The following DNHD1 variants were observed in gnomAD, a reference collection of about 807,000 sequenced individuals.
DNHD1 encodes the protein dynein heavy chain domain-containing protein 1.
A neutral mutation model predicts 458.1 loss-of-function variants in DNHD1; 383 were observed. The ratio of observed to expected loss-of-function variants is 0.84; its 90% CI spans 0.77 to 0.91. DNHD1 has a LOEUF of 0.91. DNHD1 is among the 40% of genes least tolerant of loss of function. The pLI is 0.00. For synonymous variants in DNHD1, 2,203 were observed against 2,376.9 expected, an observed-to-expected ratio of 0.93 and a Z score of 2.13; for missense variants, 5,336 against 5,866.1, an observed-to-expected ratio of 0.91 and a Z score of 2.95.
chr11:6,571,899 C>G lies in DNHD1; in HGVS notation c.14175C>G (p.Ile4725Met). ...LGTAKLQSRNIVMHLPLPTKL... is the reference protein window; with the variant it reads ...LGTAKLQSRNMVMHLPLPTKL... ...CCGCTAAGCTGCAGAGCAGGAACAT[C>G]GTGATGCATCTGCCTTTACCCACCA... Residue 4725 changes from isoleucine to methionine, a missense_variant, in exon 43 of 43, where the codon ATC becomes ATG. This residue lies in a region of DNHD1 where 698 missense variants were observed against 664.9 expected (regional missense o/e 1.05). Transcript: ENST00000254579. This position sits in a 1 kb window ranked among gnomAD's most constrained non-coding sequence, Gnocchi z 5.0. 1.2e-6 allele frequency: 2 copies of G among 1,614,062 alleles called. No individual in the cohort carries two copies. Among genetic ancestry groups the G allele is most frequent in the Non-Finnish European group, 1.7e-6 (2 of 1,179,910 alleles).
In DNHD1 at chr11:6,539,300, A is replaced by G. The variant is rs1853038414; in HGVS notation, c.3407A>G (p.Asp1136Gly). The part of the protein sequence containing the change: ...LLTYPLLEFA[D>G]RINQVWQNEN... ...ACTTATCCACTGCTGGAGTTTGCAGATCGAATCAACCAGGTGGGGCCCTCA... is the reference window on the plus strand; with the variant it reads ...ACTTATCCACTGCTGGAGTTTGCAGGTCGAATCAACCAGGTGGGGCCCTCA... The change falls in exon 17 of 43, where the codon GAT becomes GGT. Residue 1136 changes from aspartate to glycine, a missense_variant. Physicochemically the swap from Asp to Gly is moderately conservative, Grantham distance 94. This residue lies in a region of DNHD1 where 3,932 missense variants were observed against 4,365.6 expected (regional missense o/e 0.90). Coordinates refer to ENST00000254579, the MANE Select transcript of DNHD1 (RefSeq NM_144666.3). 2 of 1,551,534 alleles carry G rather than the reference A, an allele frequency of 1.3e-6. No homozygotes were observed. Among genetic ancestry groups the G allele is most frequent in the African/African-American group, 1.4e-5 (1 of 73,170 alleles).
rs267603117 is a variant in DNHD1, at chr11:6,545,074, G to A, written c.4135G>A (p.Glu1379Lys). The A allele has an allele frequency of 2.1e-5, 32 of 1,551,832 alleles. No homozygotes were observed. Among genetic ancestry groups the A allele is most frequent in the African/African-American group, 9.6e-5 (7 of 73,052 alleles). ...ALLAARLESC[E>K]AQLWVRRCFP... ...GCTGGCTGCTCGACTGGAATCATGC[G>A]AAGCCCAGCTATGGGTACGACGCTG... The change falls in exon 21 of 43, where the codon GAA becomes AAA. Residue 1379 changes from glutamate to lysine, a missense_variant. Physicochemically the swap from Glu to Lys is moderately conservative, Grantham distance 56 (BLOSUM62 1). Transcript: ENST00000254579. This position sits in a 1 kb window ranked among gnomAD's most constrained non-coding sequence, Gnocchi z 4.9.
At chr11:6,527,552 T>C (rs540196266) in intron 10 of DNHD1, among the ~76,000 whole-genome samples, 1 of 152,308 alleles carries the variant, frequency 6.6e-6, no homozygotes, top group East Asian at 1.9e-4. Context: ...TTTGGCTCTG[T>C]TAAATTTGAG....
Position 6,563,454 on chromosome 11 carries a change from GCA to G in DNHD1, c.9744_9745del (p.Pro3249ThrfsTer9). On this transcript the variant is annotated frameshift_variant, in exon 30 of 43. Coordinates refer to ENST00000254579, the MANE Select transcript of DNHD1 (RefSeq NM_144666.3). LOFTEE classifies it high-confidence loss of function. ...ADFEEIRSYR[A>X]PPESVVRVTD... ...CTTTGAGGAGATACGGAGCTATCGA[GCA>G]CCACCAGAATCTGTGGTCCGGGTAA... is the stretch of plus-strand genomic sequence containing the variant. 1 of 1,551,718 alleles carries G rather than the reference GCA, an allele frequency of 6.4e-7. No homozygotes were observed. The highest frequency in any genetic ancestry group is 8.7e-7 in the Non-Finnish European group (1 of 1,146,996).
intron 12 of DNHD1, among the ~76,000 whole-genome samples, chr11:6,529,863 G>T (rs1448966672): frequency 6.6e-6 from 1 of 152,122 alleles, no homozygotes; most frequent in Non-Finnish European, 1.5e-5. Flanking sequence ...TGTCTTTGCT[G>T]ACCTGTCCTT....
In DNHD1 at chr11:6,517,652, C is replaced by CTTTTTTTT. The variant is rs59300977; in HGVS notation, c.1393-1921_1393-1914dup. 2.7e-4 allele frequency among the ~76,000 whole-genome samples: 16 copies of CTTTTTTTT among 59,066 alleles called. 1 individual carries two copies. Among genetic ancestry groups the CTTTTTTTT allele is most frequent in the African/African-American group, 6.1e-4 (11 of 18,048 alleles). The allele number at this position is 59,066 out of a possible 152,430, so 38.7% of individuals were successfully genotyped here. A position where few individuals can be genotyped will look rare whatever the true frequency, so the allele number is the denominator to read the frequency against. ...ACAAATACTGTATGATCTAGGACTT[C>CTTTTTTTT]TTTTTTTTTTTTTTTTTTTTTTTTT... On this transcript the variant is annotated intron_variant, in intron 7 of 42. Transcript: ENST00000254579.
chr11:6,557,469 G>C lies in DNHD1; in HGVS notation c.8174G>C (p.Ser2725Thr), dbSNP rs765646475. 3.2e-6 allele frequency: 5 copies of C among 1,551,634 alleles called. No individual in the cohort carries two copies. In the African/African-American group the frequency reaches 5.5e-5, roughly 17 times the overall value. The change falls in exon 25 of 43, where the codon AGT (serine) becomes ACT (threonine). Residue 2725 changes from serine to threonine, a missense_variant. Physicochemically the swap from Ser to Thr is moderately conservative, Grantham distance 58 (BLOSUM62 1). Transcript: ENST00000254579. ...AQWEDFSNSNSETEEEEEPYG... is the reference protein window; with the variant it reads ...AQWEDFSNSNTETEEEEEPYG... ...TGGGAGGACTTCAGCAACAGCAATA[G>C]TGAAACAGAGGAGGAAGAGGAACCT...
intron 14 of DNHD1, among the ~76,000 whole-genome samples, chr11:6,536,005 C>G (rs59049768): frequency 0.021 from 3,234 of 152,190 alleles, 99 homozygotes; most frequent in African/African-American, 0.073. Flanking sequence ...CAATGAAGGA[C>G]ATAGGGACAT....
intron 39 of DNHD1, 142 bp from the exon 40 acceptor site, chr11:6,569,867 C>T: frequency 1.6e-6 from 1 of 644,948 alleles, no homozygotes; most frequent in Non-Finnish European, 2.7e-6. Context: ...ATGATGATTT[C>T]AGTTGAAAGC....
At chr11:6,516,293 CT>C (rs368832969) in intron 7 of DNHD1, among the ~76,000 whole-genome samples, 7,090 of 133,264 alleles carry the variant, frequency 0.053, 408 homozygotes, top group African/African-American at 0.18. Context: ...ACTCTAATCA[CT>C]TTTTTTTTTT....
intron 10 of DNHD1, among the ~76,000 whole-genome samples, chr11:6,524,998 T>C (rs998121187): frequency 1.3e-5 from 2 of 152,216 alleles, no homozygotes; most frequent in Non-Finnish European, 2.9e-5. Context: ...CTTTTAGCTA[T>C]ATTTAAGAGC....
intron 6 of DNHD1, 68 bp from the exon 7 acceptor site, chr11:6,511,205 G>A: frequency 6.4e-7 from 1 of 1,574,204 alleles, no homozygotes; most frequent in East Asian, 2.3e-5. Context: ...GCTAGGCTGA[G>A]AAGAGGTCAA....
chr11:6,545,379 C>T lies in DNHD1; in HGVS notation c.4440C>T (p.Ala1480=). 1 of 1,551,730 alleles carries T rather than the reference C, an allele frequency of 6.4e-7. No individual in the cohort carries two copies. Among genetic ancestry groups the T allele is most frequent in the Non-Finnish European group, 8.7e-7 (1 of 1,147,000 alleles). The stretch of plus-strand genomic sequence containing the variant: ...CTCGAGGCCCATCTCTAGGTGAGGC[C>T]CTCAAGCAACTGCCCAAGCAAAACA... The part of the protein sequence containing the change: ...RLARGPSLGE[A]LKQLPKQNKL... Residue 1480 remains alanine, a synonymous_variant, in exon 21 of 43, where the codon GCC becomes GCT. Coordinates refer to ENST00000254579, the MANE Select transcript of DNHD1 (RefSeq NM_144666.3). The surrounding 1 kb of genome is among the most constrained non-coding windows in gnomAD (Gnocchi z 4.9).
At position 6,558,137 on chromosome 11, in the gene DNHD1, G is replaced by A; in HGVS notation, c.8842G>A (p.Gly2948Ser). The change falls in exon 25 of 43, where the codon GGT (glycine) becomes AGT (serine). Residue 2948 changes from glycine to serine, a missense_variant. By Grantham distance (56) the Gly-to-Ser change is moderately conservative (BLOSUM62 0). This residue lies in a region of DNHD1 where 3,932 missense variants were observed against 4,365.6 expected (regional missense o/e 0.90). Transcript: ENST00000254579. ...SQPVALLVPS[G>S]VDLTTLHRLL... ...GCCAGTGGCTCTGTTGGTACCCAGTGGTGTGGATCTCACTACACTTCATCG... is the reference window on the plus strand; with the variant it reads ...GCCAGTGGCTCTGTTGGTACCCAGTAGTGTGGATCTCACTACACTTCATCG... 1 of 1,551,744 alleles carries A rather than the reference G, an allele frequency of 6.4e-7. No individual in the cohort carries two copies.
In DNHD1 at chr11:6,545,099, G is replaced by T. The variant is rs1853180167; in HGVS notation, c.4160G>T (p.Cys1387Phe). Residue 1387 changes from cysteine to phenylalanine, a missense_variant, in exon 21 of 43, where the codon TGC (cysteine) becomes TTC (phenylalanine). By Grantham distance (205) the Cys-to-Phe change is radical. Around this residue, in one of 4 missense-constraint regions of DNHD1, gnomAD observed 3,932 missense variants for 4,365.6 expected, o/e 0.90. Transcript: ENST00000254579. This position sits in a 1 kb window ranked among gnomAD's most constrained non-coding sequence, Gnocchi z 4.9. Reference protein sequence around the residue: ...SCEAQLWVRRCFPHVHAVSFR... With the variant: ...SCEAQLWVRRFFPHVHAVSFR... ...GAAGCCCAGCTATGGGTACGACGCT[G>T]CTTTCCTCATGTGCATGCTGTGAGC... 4 of 1,552,104 alleles carry T rather than the reference G, an allele frequency of 2.6e-6. No individual in the cohort carries two copies. Among genetic ancestry groups the T allele is most frequent in the Non-Finnish European group, 3.5e-6 (4 of 1,147,086 alleles).
At chr11:6,529,633 T>C (rs1226689300) in intron 12 of DNHD1, among the ~76,000 whole-genome samples, 1 of 152,204 alleles carries the variant, frequency 6.6e-6, no homozygotes, top group Non-Finnish European at 1.5e-5. Context: ...TGAAAATTTA[T>C]ACTGTAGTTC....
At position 6,546,266 on chromosome 11, in the gene DNHD1, C is replaced by G; in HGVS notation, c.5327C>G (p.Thr1776Ser). The G allele has an allele frequency of 6.4e-7, 1 of 1,552,376 alleles. No homozygotes were observed. Among genetic ancestry groups the G allele is most frequent in the Non-Finnish European group, 8.7e-7 (1 of 1,147,152 alleles). Residue 1776 changes from threonine to serine, a missense_variant, in exon 21 of 43, where the codon ACC (threonine) becomes AGC (serine). By Grantham distance (58) the Thr-to-Ser change is moderately conservative (BLOSUM62 1). Coordinates refer to ENST00000254579, the MANE Select transcript of DNHD1 (RefSeq NM_144666.3). ...CAGGAGGCTTCCCGAAACACAAGCA[C>G]CATAGACCCCACCCAGCCCCAGCTC... ...LYQEASRNTS[T>S]IDPTQPQLLG...
In DNHD1 at chr11:6,547,668, TG is replaced by T; in HGVS notation, c.6727+5del. The T allele has an allele frequency of 6.6e-7, 1 of 1,515,806 alleles. No homozygotes were observed. 93.9% of individuals were successfully genotyped at this position (1,515,806 alleles called of 1,614,324 possible). ...AGGAGGAGAAGGCCCCTGGCCCAGGTGGGAAGATGGACGGGCTGGTTTGAGA... is the reference window on the plus strand; with the variant it reads ...AGGAGGAGAAGGCCCCTGGCCCAGGTGGAAGATGGACGGGCTGGTTTGAGA... On this transcript the variant is annotated splice_donor_region_variant and intron_variant, in intron 21 of 42. Transcript: ENST00000254579.
At position 6,505,151 on chromosome 11, in the gene DNHD1, C is replaced by G. The variant is rs1852206223; in HGVS notation, c.920+2225C>G. Among the ~76,000 whole-genome samples the G allele has an allele frequency of 6.6e-6, 1 of 151,852 alleles. No individual in the cohort carries two copies. Among genetic ancestry groups the G allele is most frequent in the Non-Finnish European group, 1.5e-5 (1 of 67,970 alleles). ...CGGCCCCATTCAGAGTTCTGAGTCT[C>G]AACTCTGCAAGGCCCCTCCTCCAAC... On this transcript the variant is annotated intron_variant, in intron 4 of 42. Transcript: ENST00000254579. The surrounding 1 kb of genome is among the most constrained non-coding windows in gnomAD (Gnocchi z 4.4).
Sources: allele counts gnomAD v4.1 joint callset (sites outside exome capture counted in the v4.1 genomes callset), GRCh38; gene constraint gnomAD v4.1.1; regional missense constraint gnomAD v4.1.1; non-coding constraint Gnocchi (gnomAD v3.1); transcripts MANE v1.5; gene names NCBI Gene and HGNC (gene_info 2026-07-23, HGNC 2026-07-21).